Variants in MAVS observed in about 807,000 individuals in gnomAD.
The protein encoded by MAVS is mitochondrial antiviral signaling protein.
In MAVS, 20 loss-of-function variants were observed where a neutral mutation model predicts 30.2. The observed-to-expected ratio is 0.66, with a 90% CI of 0.47 to 0.96. The LOEUF is 0.96. MAVS is among the 40% of genes least tolerant of loss of function. MAVS has a pLI of 0.00. For synonymous variants in MAVS, 278 were observed against 293.9 expected (o/e 0.95, Z 0.55); for missense variants, 624 against 701.1 (o/e 0.89, Z 1.24).
At chr20:3,854,954 G>A (rs1238295441) in intron 2 of MAVS, among the ~76,000 whole-genome samples, 1 of 145,678 alleles carries the variant, frequency 6.9e-6, no homozygotes, top group Admixed American at 7.1e-5. Flanking sequence ...GCAGTGGCAC[G>A]ATCTTGGCTC....
chr20:3,865,845 A>G lies in MAVS; in HGVS notation c.1321A>G (p.Ile441Val), dbSNP rs1421573192. 1.2e-6 allele frequency: 2 copies of G among 1,614,048 alleles called. No homozygotes were observed. The highest frequency in any genetic ancestry group is 1.7e-5 in the Admixed American group (1 of 60,026). Reference sequence around the variant, plus strand: ...CTCGGGCTGCTTCGAGGATCTTGCCATCAGTGCCAGCACCTCCTTGGGCAT... The same window carrying G: ...CTCGGGCTGCTTCGAGGATCTTGCCGTCAGTGCCAGCACCTCCTTGGGCAT... Reference protein sequence around the residue: ...PFSGCFEDLAISASTSLGMGP... With the variant: ...PFSGCFEDLAVSASTSLGMGP... Residue 441 changes from isoleucine (I) to valine (V), a missense_variant, in exon 7 of 7, where the codon ATC becomes GTC. Transcript: ENST00000428216. The surrounding 1 kb of genome is among the most constrained non-coding windows in gnomAD (Gnocchi z 4.7).
Position 3,864,798 on chromosome 20 carries a change from C to T in MAVS, c.1158+10C>T, listed in dbSNP as rs574845921. 116 of 1,609,248 alleles carry T rather than the reference C, an allele frequency of 7.2e-5. No individual in the cohort carries two copies. The highest frequency in any genetic ancestry group is 1.7e-4 in the Middle Eastern group (1 of 6,050). ...GAGCAGCAGAAATGAGGTGAGTCCT[C>T]GCCCTTCCTGGCAGGGATCCTGGCC... On this transcript the variant is annotated intron_variant, in intron 6 of 6. Transcript: ENST00000428216.
At chr20:3,860,292 A>T (rs2089855554) in intron 3 of MAVS, among the ~76,000 whole-genome samples, 1 of 150,818 alleles carries the variant, frequency 6.6e-6, no homozygotes, top group Non-Finnish European at 1.5e-5. Flanking sequence ...CAGTGGCATG[A>T]CTTCGGCTCA....
intron 1 of MAVS, among the ~76,000 whole-genome samples, chr20:3,849,812 C>A (rs2089742446): frequency 6.6e-6 from 1 of 152,140 alleles, no homozygotes; most frequent in Non-Finnish European, 1.5e-5. Flanking sequence ...TTATTTGTCC[C>A]ACCCCATTAG....
intron 1 of MAVS, among the ~76,000 whole-genome samples, chr20:3,851,468 T>A (rs1446406510): frequency 7.1e-6 from 1 of 140,400 alleles, no homozygotes; most frequent in Non-Finnish European, 1.5e-5. Context: ...ATCACACCAC[T>A]GCACTCCAGC....
rs562532817 is a variant in MAVS at position 3,868,755 on chromosome 20, T to C, written c.*2608T>C. 1 of 152,032 alleles carries C rather than the reference T, an allele frequency of 6.6e-6. No homozygotes were observed. The highest frequency in any genetic ancestry group is 1.5e-5 in the Non-Finnish European group (1 of 68,030). 9.4% of individuals were successfully genotyped at this position (152,032 alleles called of 1,614,324 possible). The stretch of plus-strand genomic sequence containing the variant: ...AACTGGGCATGGCGGCGCCCATCTA[T>C]AGTCCCAGCTACATGGGAGGCTGAG... On this transcript the variant is annotated 3_prime_UTR_variant, in exon 7 of 7. Coordinates refer to ENST00000428216, the MANE Select transcript of MAVS (RefSeq NM_020746.5).
At chr20:3,857,132 G>A (rs911779891) in intron 2 of MAVS, among the ~76,000 whole-genome samples, 1 of 151,088 alleles carries the variant, frequency 6.6e-6, no homozygotes, top group Non-Finnish European at 1.5e-5. Flanking sequence ...TGTTATTGTC[G>A]GCCCCCTCTC....
chr20:3,865,644 C>A lies in MAVS; in HGVS notation c.1159-39C>A. ...CGCCCTACCAGGTTCGTCTCCCTGCCAACCCCAGTCCCTTCCAGTGCTCTC... is the reference window on the plus strand; with the variant it reads ...CGCCCTACCAGGTTCGTCTCCCTGCAAACCCCAGTCCCTTCCAGTGCTCTC... On this transcript the variant is annotated intron_variant, in intron 6 of 6. Coordinates refer to ENST00000428216, the MANE Select transcript of MAVS (RefSeq NM_020746.5). The surrounding 1 kb of genome is among the most constrained non-coding windows in gnomAD (Gnocchi z 4.7). 6.5e-7 allele frequency: 1 copy of A among 1,536,046 alleles called. No homozygotes were observed. The highest frequency in any genetic ancestry group is 8.8e-7 in the Non-Finnish European group (1 of 1,139,468).
Position 3,850,323 on chromosome 20 carries a change from G to A in MAVS, c.-68+3420G>A, listed in dbSNP as rs367545254. Among the ~76,000 whole-genome samples, 61 of 150,046 alleles carry A rather than the reference G, an allele frequency of 4.1e-4. 1 individual carries two copies. The highest frequency in any genetic ancestry group is 3.9e-3 in the East Asian group (20 of 5,098). On this transcript the variant is annotated intron_variant, in intron 1 of 6. Coordinates refer to ENST00000428216, the MANE Select transcript of MAVS (RefSeq NM_020746.5). ...AAGAAATTTTTTTAAGCTGCTGGGCGCGGTGGCTCACGCCTGTAAATCTCA... is the reference window on the plus strand; with the variant it reads ...AAGAAATTTTTTTAAGCTGCTGGGCACGGTGGCTCACGCCTGTAAATCTCA...
chr20:3,863,011 T>C (rs968239467), intron 5 of MAVS, among the ~76,000 whole-genome samples: 2 of 152,078 alleles, frequency 1.3e-5, no homozygotes, highest in Admixed American at 6.6e-5. Context: ...ATGAGCGAGA[T>C]AAGTAGGGCC....
At position 3,866,112 on chromosome 20, in the gene MAVS, C is replaced by G. The variant is rs2089906301; in HGVS notation, c.1588C>G (p.Leu530Val). The G allele has an allele frequency of 6.2e-7, 1 of 1,605,734 alleles. No homozygotes were observed. The highest frequency in any genetic ancestry group is 8.5e-7 in the Non-Finnish European group (1 of 1,177,482). Residue 530 changes from leucine to valine, a missense_variant, in exon 7 of 7, where the codon CTC becomes GTC. Physicochemically the swap from Leu to Val is conservative, Grantham distance 32. Transcript: ENST00000428216. ...TGTGACAGGGGTGCTGGTAGTCACA[C>G]TCCTGGTGGTGCTGTACCGGCGGCG... The part of the protein sequence containing the change: ...VAVTGVLVVT[L>V]LVVLYRRRLH
chr20:3,862,448 G>C (rs754273115), intron 5 of MAVS, 35 bp downstream of exon 5: 7 of 1,590,858 alleles, frequency 4.4e-6, no homozygotes, highest in Non-Finnish European at 6.0e-6. Flanking sequence ...GGGTCCTTCT[G>C]ATCTCTCAAG....
At chr20:3,856,309 C>T (rs2146763421) in intron 2 of MAVS, among the ~76,000 whole-genome samples, 1 of 151,562 alleles carries the variant, frequency 6.6e-6, no homozygotes, top group South Asian at 2.1e-4. Context: ...CCGCCTCGGC[C>T]TCCCAAAGTG....
intron 1 of MAVS, among the ~76,000 whole-genome samples, chr20:3,847,956 T>A (rs1482916776): frequency 2.0e-5 from 3 of 152,188 alleles, no homozygotes; most frequent in Non-Finnish European, 4.4e-5. Context: ...CCTCCATAAA[T>A]GTGAACAAAT....
In MAVS at chr20:3,865,039, C is replaced by T. The variant is rs1668790907; in HGVS notation, c.1158+251C>T. 6.6e-6 allele frequency among the ~76,000 whole-genome samples: 1 copy of T among 152,220 alleles called. No individual in the cohort carries two copies. Among genetic ancestry groups the T allele is most frequent in the African/African-American group, 2.4e-5 (1 of 41,458 alleles). ...CAGGAGGGTCAGCCACAGGGGGCAC[C>T]CACTGGTCAGGTGTATAAGTTCATT... On this transcript the variant is annotated intron_variant, in intron 6 of 6. Coordinates refer to ENST00000428216, the MANE Select transcript of MAVS (RefSeq NM_020746.5). This position sits in a 1 kb window ranked among gnomAD's most constrained non-coding sequence, Gnocchi z 4.7.
chr20:3,853,694 T>C (rs1268017455), intron 1 of MAVS, among the ~76,000 whole-genome samples: 2 of 152,026 alleles, frequency 1.3e-5, no homozygotes, highest in Non-Finnish European at 2.9e-5. Context: ...CCGGGGATGC[T>C]GAGGCGGGAG....
In MAVS at chr20:3,873,789, C is replaced by G. The variant is rs183992588; in HGVS notation, c.*7642C>G. Reference sequence around the variant, plus strand: ...ATAATTTTTTGTTGTTTACAAATTACCCAGGCTAAGGTGTTTCATTGTAAC... The same window carrying G: ...ATAATTTTTTGTTGTTTACAAATTAGCCAGGCTAAGGTGTTTCATTGTAAC... On this transcript the variant is annotated 3_prime_UTR_variant, in exon 7 of 7. Coordinates refer to ENST00000428216, the MANE Select transcript of MAVS (RefSeq NM_020746.5). 1 of 248,368 alleles carries G rather than the reference C, an allele frequency of 4.0e-6. No individual in the cohort carries two copies. Among genetic ancestry groups the G allele is most frequent in the Non-Finnish European group, 7.6e-6 (1 of 131,298 alleles). 15.4% of individuals were successfully genotyped at this position (248,368 alleles called of 1,614,324 possible).
intron 3 of MAVS, 80 bp from the exon 4 acceptor site, chr20:3,861,252 C>CA: frequency 4.2e-6 from 6 of 1,427,726 alleles, no homozygotes; most frequent in Non-Finnish European, 5.7e-6. Context: ...CTTGGCCTCC[C>CA]AAAGTGCTGA....
intron 1 of MAVS, among the ~76,000 whole-genome samples, chr20:3,849,660 G>A (rs555513405): frequency 3.6e-4 from 55 of 152,290 alleles, no homozygotes; most frequent in Admixed American, 1.6e-3. Context: ...TGTTCTGCAC[G>A]CTAGTTCAGA....
Sources: gnomAD v4.1 joint callset for allele counts (sites outside exome capture counted in the v4.1 genomes callset) on GRCh38, gnomAD v4.1.1 for gene constraint, Gnocchi (gnomAD v3.1) non-coding constraint, MANE v1.5 for transcripts, NCBI Gene and HGNC (gene_info 2026-07-23, HGNC 2026-07-21) for gene names.